Variants in CNTNAP2 observed in about 807,000 individuals in gnomAD.
The protein encoded by CNTNAP2 is contactin associated protein 2, also known as contactin-associated protein-like 2.
Under a neutral mutation model 155.2 loss-of-function variants are expected in CNTNAP2, and 98 were observed. The ratio of observed to expected loss-of-function variants is 0.63; its 90% CI spans 0.54 to 0.75. CNTNAP2 has a LOEUF of 0.75. Ranked by LOEUF, CNTNAP2 falls within the 30% of genes least tolerant of loss-of-function variation. The pLI is 0.00. For missense variants in CNTNAP2, 1,727 were observed against 1,688.1 expected (o/e 1.02, Z -0.40); for synonymous variants, 651 against 631.2 (o/e 1.03, Z -0.47).
intron 1 of CNTNAP2, among the ~76,000 whole-genome samples, chr7:146,321,914 G>C (rs17170037): frequency 0.043 from 6,510 of 152,086 alleles, 455 homozygotes; most frequent in African/African-American, 0.14. Flanking sequence ...TTTTACATGA[G>C]ATCTGAAATT....
At chr7:146,981,315 A>C (rs1798012395) in intron 3 of CNTNAP2, among the ~76,000 whole-genome samples, 1 of 152,236 alleles carries the variant, frequency 6.6e-6, no homozygotes, top group African/African-American at 2.4e-5. Flanking sequence ...TTATTCGTGT[A>C]AATTTTGGGA....
chr7:148,223,506 T>C (rs1795789621), intron 19 of CNTNAP2, among the ~76,000 whole-genome samples: 1 of 152,186 alleles, frequency 6.6e-6, no homozygotes, highest in African/African-American at 2.4e-5. Flanking sequence ...TTAATTCACT[T>C]GGGAGATGAA....
chr7:146,733,600 C>T lies in CNTNAP2; in HGVS notation c.98-40671C>T, dbSNP rs566806246. On this transcript the variant is annotated intron_variant, in intron 1 of 23. Coordinates refer to ENST00000361727, the MANE Select transcript of CNTNAP2 (RefSeq NM_014141.6). Reference sequence around the variant, plus strand: ...AAGTGACATTTACTTAGTTTGACTACCCTTTCCTATAGCGAATAAACTGAC... The same window carrying T: ...AAGTGACATTTACTTAGTTTGACTATCCTTTCCTATAGCGAATAAACTGAC... Among the ~76,000 whole-genome samples the T allele has an allele frequency of 1.8e-4, 27 of 152,166 alleles. No individual in the cohort carries two copies. The South Asian group carries it at 5.2e-3, about 29-fold the overall frequency.
chr7:147,820,367 G>C (rs770977835), intron 13 of CNTNAP2, among the ~76,000 whole-genome samples: 1 of 151,816 alleles, frequency 6.6e-6, no homozygotes, highest in East Asian at 1.9e-4. Context: ...TTTCGTTGCT[G>C]CTTTATTGAG....
At chr7:147,379,764 G>A (rs979167336) in intron 9 of CNTNAP2, among the ~76,000 whole-genome samples, 2 of 151,952 alleles carry the variant, frequency 1.3e-5, no homozygotes, top group African/African-American at 4.8e-5. Flanking sequence ...GGGGCTAGGG[G>A]CGTGAGGGAG....
chr7:146,759,518 C>T (rs780093170), intron 1 of CNTNAP2, among the ~76,000 whole-genome samples: 7 of 151,596 alleles, frequency 4.6e-5, no homozygotes, highest in African/African-American at 7.3e-5. Context: ...ATGGTGAAAC[C>T]CCATCTCTAC....
At chr7:147,122,615 GAGAGTAA>G (rs1563084381) in intron 6 of CNTNAP2, 1 of 152,164 alleles carries the variant, frequency 6.6e-6, no homozygotes, top group African/African-American at 2.4e-5. Flanking sequence ...TCAGAGTAAT[GAGAGTAA>G]TGACCAAATC....
At chr7:148,140,665 AC>A (rs149566252) in intron 16 of CNTNAP2, among the ~76,000 whole-genome samples, 3,342 of 151,682 alleles carry the variant, frequency 0.022, 48 homozygotes, top group Middle Eastern at 0.051. Flanking sequence ...CAGGTGATCC[AC>A]CCGCCTCAGC....
chr7:147,107,880 C>CGTTAAGATTTGAAG (rs1800798696), intron 4 of CNTNAP2, among the ~76,000 whole-genome samples: 1 of 151,886 alleles, frequency 6.6e-6, no homozygotes, highest in Non-Finnish European at 1.5e-5. Context: ...AGCATATAAC[C>CGTTAAGATTTGAAG]CATTGAATTT....
At chr7:146,411,157 A>ATT (rs35201362) in intron 1 of CNTNAP2, among the ~76,000 whole-genome samples, 7,370 of 139,258 alleles carry the variant, frequency 0.053, 269 homozygotes, top group Non-Finnish European at 0.079. Flanking sequence ...AATAGAGTAG[A>ATT]TTTTTTTTTT....
intron 1 of CNTNAP2, among the ~76,000 whole-genome samples, chr7:146,651,305 G>A (rs1799907684): frequency 6.6e-6 from 1 of 152,094 alleles, no homozygotes; most frequent in African/African-American, 2.4e-5. Context: ...AAAAACATAG[G>A]ATCATAATAA....
intron 14 of CNTNAP2, among the ~76,000 whole-genome samples, chr7:147,916,144 G>C (rs1367163312): frequency 6.6e-6 from 1 of 152,172 alleles, no homozygotes; most frequent in Non-Finnish European, 1.5e-5. Context: ...AAGCTACCTG[G>C]AAAGCCACTG....
intron 20 of CNTNAP2, among the ~76,000 whole-genome samples, chr7:148,249,126 T>C (rs1307849171): frequency 6.6e-6 from 1 of 152,250 alleles, no homozygotes; most frequent in Non-Finnish European, 1.5e-5. Context: ...CTTTGCCAGA[T>C]GCATGTACTG....
chr7:147,666,950 A>C (rs2116960227), intron 13 of CNTNAP2, among the ~76,000 whole-genome samples: 1 of 152,348 alleles, frequency 6.6e-6, no homozygotes, highest in African/African-American at 2.4e-5. Flanking sequence ...GTTCAGGAAG[A>C]GCCTATATCA....
chr7:146,859,444 G>A (rs1178852911), intron 3 of CNTNAP2, among the ~76,000 whole-genome samples: 2 of 152,124 alleles, frequency 1.3e-5, no homozygotes, highest in African/African-American at 4.8e-5. Context: ...ATCACCTGAG[G>A]CCGGGAGTTC....
At chr7:146,789,206 T>C (rs1802629586) in intron 2 of CNTNAP2, among the ~76,000 whole-genome samples, 1 of 152,228 alleles carries the variant, frequency 6.6e-6, no homozygotes, top group South Asian at 2.1e-4. Context: ...TTAAGTCTTC[T>C]GACTTCAAAA....
chr7:147,302,705 C>G (rs1011948052), intron 9 of CNTNAP2, among the ~76,000 whole-genome samples: 2 of 152,190 alleles, frequency 1.3e-5, no homozygotes, highest in Non-Finnish European at 2.9e-5. Context: ...TTGACCTTAG[C>G]CAATTTGCAC....
chr7:146,387,196 A>T (rs1322438741), intron 1 of CNTNAP2, among the ~76,000 whole-genome samples: 1 of 152,200 alleles, frequency 6.6e-6, no homozygotes, highest in Non-Finnish European at 1.5e-5. Context: ...TTACTTTCCA[A>T]GTGAGGTCTG....
chr7:146,318,250 A>G (rs1194673914), intron 1 of CNTNAP2, among the ~76,000 whole-genome samples: 2 of 152,130 alleles, frequency 1.3e-5, no homozygotes, highest in Non-Finnish European at 2.9e-5. Context: ...AGTTTTACAC[A>G]TTTAGTTCTG....
Sources: gnomAD v4.1 joint callset for allele counts (sites outside exome capture counted in the v4.1 genomes callset) on GRCh38, gnomAD v4.1.1 for gene constraint, MANE v1.5 for transcripts, NCBI Gene and HGNC (gene_info 2026-07-23, HGNC 2026-07-21) for gene names.